Variants in ACER3 observed in about 807,000 individuals in gnomAD.
The protein encoded by ACER3 is alkCDase 3.
ACER3 carries 16 observed loss-of-function variants against 48.9 expected under a neutral mutation model. The ratio of observed to expected loss-of-function variants is 0.33; its 90% CI spans 0.22 to 0.50. The LOEUF (loss-of-function observed/expected upper bound fraction) is 0.50. Among genes scored for constraint, ACER3 ranks in the 20% least tolerant of loss-of-function variants. The pLI, the probability that ACER3 is intolerant of heterozygous loss-of-function variation, is 0.98. For missense variants in ACER3, 227 were observed against 326.0 expected, an observed-to-expected ratio of 0.70 and a Z score of 2.34; for synonymous variants, 109 against 107.8, an observed-to-expected ratio of 1.01 and a Z score of -0.07.
chr11:77,000,976 T>C (rs10793225), intron 7 of ACER3, among the ~76,000 whole-genome samples: 108,128 of 152,088 alleles, frequency 0.71, 38,839 homozygotes, highest in Non-Finnish European at 0.77. Context: ...ATAGGAATTA[T>C]ATTAAATATG....
intron 7 of ACER3, among the ~76,000 whole-genome samples, chr11:77,007,785 A>G (rs1404057262): frequency 2.0e-5 from 3 of 152,202 alleles, no homozygotes; most frequent in Non-Finnish European, 4.4e-5. Context: ...TTAACCTGGC[A>G]TGGGGTTGAA....
chr11:76,875,758 T>A (rs34416376), intron 1 of ACER3, among the ~76,000 whole-genome samples: 1 of 122,914 alleles, frequency 8.1e-6, no homozygotes, highest in South Asian at 2.6e-4. Context: ...TTTTTTTTTG[T>A]GGAGTCTCAC....
At chr11:76,880,991 C>T (rs557917710) in intron 1 of ACER3, among the ~76,000 whole-genome samples, 3 of 152,082 alleles carry the variant, frequency 2.0e-5, no homozygotes, top group African/African-American at 7.2e-5. Flanking sequence ...TATGGTGGCT[C>T]ACACCTATAA....
intron 2 of ACER3, among the ~76,000 whole-genome samples, chr11:76,940,731 T>C (rs572509944): frequency 6.6e-6 from 1 of 152,188 alleles, no homozygotes; most frequent in South Asian, 2.1e-4. Flanking sequence ...CTTATATCAC[T>C]GTATGTGGTA....
intron 2 of ACER3, among the ~76,000 whole-genome samples, chr11:76,934,041 C>T (rs1265351899): frequency 1.3e-5 from 2 of 151,444 alleles, no homozygotes. Context: ...CCCCACATCT[C>T]AGACAATGGG....
intron 7 of ACER3, among the ~76,000 whole-genome samples, chr11:77,003,189 T>G (rs1949068544): frequency 6.6e-6 from 1 of 152,244 alleles, no homozygotes. Flanking sequence ...CAGGTTCAGC[T>G]TCTTTAATAG....
chr11:77,016,625 C>T (rs781929978), intron 8 of ACER3, 50 bp from the exon 9 acceptor site: 18 of 994,856 alleles, frequency 1.8e-5, no homozygotes, highest in South Asian at 1.5e-4. Context: ...CAGCGTTAGT[C>T]GCTAAATATT....
At chr11:76,928,943 G>A (rs1254953262) in intron 2 of ACER3, among the ~76,000 whole-genome samples, 3 of 152,166 alleles carry the variant, frequency 2.0e-5, no homozygotes, top group Non-Finnish European at 4.4e-5. Context: ...TGGCAATGCG[G>A]GCTCTTTTTT....
intron 2 of ACER3, among the ~76,000 whole-genome samples, chr11:76,941,145 T>C (rs1947334772): frequency 6.6e-6 from 1 of 152,126 alleles, no homozygotes. Context: ...GGATATTTGC[T>C]GAATACCGTA....
chr11:76,861,192 C>A, intron 1 of ACER3, 113 bp downstream of exon 1: 1 of 1,102,856 alleles, frequency 9.1e-7, no homozygotes, highest in Non-Finnish European at 1.3e-6. Context: ...CAGGCCTGGC[C>A]CCGGGAGCTG....
chr11:77,016,852 ATG>A (rs1421071620), intron 9 of ACER3, 73 bp downstream of exon 9: 2 of 715,400 alleles, frequency 2.8e-6, no homozygotes, highest in African/African-American at 3.7e-5. Flanking sequence ...TTTAAATAGG[ATG>A]TAAATATTTT....
At chr11:77,014,591 C>A (rs917362824) in intron 7 of ACER3, among the ~76,000 whole-genome samples, 1 of 152,198 alleles carries the variant, frequency 6.6e-6, no homozygotes, top group East Asian at 1.9e-4. Flanking sequence ...CCTGCCTTTT[C>A]CATGGGACCA....
intron 1 of ACER3, among the ~76,000 whole-genome samples, chr11:76,884,891 A>T (rs1590879798): frequency 6.6e-6 from 1 of 151,806 alleles, no homozygotes; most frequent in East Asian, 1.9e-4. Context: ...AGCCTCTGGG[A>T]TAGCTAGGAC....
intron 1 of ACER3, among the ~76,000 whole-genome samples, chr11:76,885,660 G>A (rs1207241823): frequency 6.6e-6 from 1 of 152,120 alleles, no homozygotes; most frequent in East Asian, 1.9e-4. Context: ...TTCAGTGGGC[G>A]CTGGGATGTA....
intron 1 of ACER3, among the ~76,000 whole-genome samples, chr11:76,904,442 C>T (rs767036275): frequency 2.6e-5 from 4 of 152,058 alleles, no homozygotes; most frequent in Non-Finnish European, 4.4e-5. Context: ...AAAGATGTCC[C>T]ACCCTTCTGG....
chr11:76,873,766 G>A (rs1253295830), intron 1 of ACER3, among the ~76,000 whole-genome samples: 1 of 151,918 alleles, frequency 6.6e-6, no homozygotes, highest in African/African-American at 2.4e-5. Flanking sequence ...TTTTTAAGTG[G>A]AACAGTAATT....
intron 3 of ACER3, among the ~76,000 whole-genome samples, chr11:76,975,079 C>G (rs141707608): frequency 6.6e-6 from 1 of 152,334 alleles, no homozygotes; most frequent in Non-Finnish European, 1.5e-5. Context: ...TACATAAGCT[C>G]TCTTCCTACT....
chr11:76,914,760 G>A (rs61893667), intron 1 of ACER3, among the ~76,000 whole-genome samples: 86,647 of 151,678 alleles, frequency 0.57, 27,835 homozygotes, highest in Non-Finnish European at 0.73. Flanking sequence ...TGTTTGTTGT[G>A]GCACTATTCA....
Position 77,025,721 on chromosome 11 carries a change from A to G in ACER3, c.*5394A>G, listed in dbSNP as rs1231093349. ...GTGCCCAGCTGGTTTTTACATTTTA[A>G]AAACGTTTAGAGAAAGAAGAATATG... On this transcript the variant is annotated 3_prime_UTR_variant, in exon 11 of 11. Coordinates refer to ENST00000532485, the MANE Select transcript of ACER3 (RefSeq NM_018367.7). 2 of 152,138 alleles carry G rather than the reference A, an allele frequency of 1.3e-5. No homozygotes were observed. Among genetic ancestry groups the G allele is most frequent in the Non-Finnish European group, 2.9e-5 (2 of 68,020 alleles). 9.4% of individuals were successfully genotyped at this position (152,138 alleles called of 1,614,324 possible).
Sources: gnomAD v4.1 joint callset for allele counts (sites outside exome capture counted in the v4.1 genomes callset) on GRCh38, gnomAD v4.1.1 for gene constraint, MANE v1.5 for transcripts, NCBI Gene and HGNC (gene_info 2026-07-23, HGNC 2026-07-21) for gene names.